Variants in NOVA1 observed in about 807,000 individuals in gnomAD.
The protein encoded by NOVA1 is NOVA alternative splicing regulator 1.
A neutral mutation model predicts 38.0 loss-of-function variants in NOVA1; 7 were observed. That is an observed-to-expected ratio of 0.18 (90% confidence interval 0.10 to 0.35). NOVA1 has a LOEUF of 0.35. Among genes scored for constraint, NOVA1 ranks in the 10% least tolerant of loss-of-function variants. The pLI, the probability that NOVA1 is intolerant of heterozygous loss-of-function variation, is 1.00. For missense variants in NOVA1, 460 were observed against 616.0 expected, an observed-to-expected ratio of 0.75 and a Z score of 2.68; for synonymous variants, 270 against 232.5, an observed-to-expected ratio of 1.16 and a Z score of -1.47.
At position 26,534,935 on chromosome 14, in the gene NOVA1, A is replaced by G. The variant is rs146025097; in HGVS notation, c.281-54792T>C. On this transcript the variant is annotated intron_variant, in intron 2 of 4. Coordinates refer to ENST00000539517, the MANE Select transcript of NOVA1 (RefSeq NM_002515.3). Reference sequence around the variant, plus strand: ...AAAGGGATTCTTCCCTAGTGCCTCCAAAGGAACCAGACCTGTTGAGGCTTG... The same window carrying G: ...AAAGGGATTCTTCCCTAGTGCCTCCGAAGGAACCAGACCTGTTGAGGCTTG... Among the ~76,000 whole-genome samples the G allele has an allele frequency of 7.2e-5, 11 of 152,316 alleles. 1 individual carries two copies. The East Asian group carries it at 2.1e-3, about 29-fold the overall frequency.
chr14:26,550,253 T>C (rs1362790962), intron 2 of NOVA1, among the ~76,000 whole-genome samples: 1 of 152,090 alleles, frequency 6.6e-6, no homozygotes, highest in African/African-American at 2.4e-5. Context: ...AAAAACAAAA[T>C]AGGTAAGACA....
intron 2 of NOVA1, among the ~76,000 whole-genome samples, chr14:26,511,156 T>C (rs901615659): frequency 6.6e-6 from 1 of 152,152 alleles, no homozygotes; most frequent in Admixed American, 6.5e-5. Context: ...AAAATTCTTT[T>C]TAAGGTTCAC....
Position 26,586,059 on chromosome 14 carries a change from G to A in NOVA1, c.280+9351C>T, listed in dbSNP as rs568759273. Reference sequence around the variant, plus strand: ...GTGCCACCTATGATTAAACAATTGCGCTGTATGTTAAACACACAGCAGGCA... The same window carrying A: ...GTGCCACCTATGATTAAACAATTGCACTGTATGTTAAACACACAGCAGGCA... On this transcript the variant is annotated intron_variant, in intron 2 of 4. Coordinates refer to ENST00000539517, the MANE Select transcript of NOVA1 (RefSeq NM_002515.3). Among the ~76,000 whole-genome samples, 8 of 151,236 alleles carry A rather than the reference G, an allele frequency of 5.3e-5. No homozygotes were observed. In the South Asian group the frequency reaches 6.2e-4, roughly 12 times the overall value.
At position 26,448,785 on chromosome 14, in the gene NOVA1, G is replaced by A; in HGVS notation, c.698C>T (p.Ala233Val). ...TATCTTCTGGATGATAAGTTCAACA[G>A]CTTTTCGGTTTTGTTCAGGTTCTCC... ...VSGEPEQNRK[A>V]VELIIQKIQE... The change falls in exon 5 of 5, where the codon GCT (alanine) becomes GTT (valine). Residue 233 changes from alanine (A) to valine (V), a missense_variant. Transcript: ENST00000539517. This position sits in a 1 kb window ranked among gnomAD's most constrained non-coding sequence, Gnocchi z 5.3. The A allele has an allele frequency of 6.2e-7, 1 of 1,614,070 alleles. No homozygotes were observed. The highest frequency in any genetic ancestry group is 8.5e-7 in the Non-Finnish European group (1 of 1,180,028).
At chr14:26,501,515 A>C (rs1043539397) in intron 2 of NOVA1, among the ~76,000 whole-genome samples, 4 of 152,014 alleles carry the variant, frequency 2.6e-5, no homozygotes, top group African/African-American at 9.7e-5. Context: ...TATTTGAAGC[A>C]ATCAACAGAT....
At chr14:26,508,080 T>C (rs1768701357) in intron 2 of NOVA1, among the ~76,000 whole-genome samples, 1 of 152,096 alleles carries the variant, frequency 6.6e-6, no homozygotes, top group Non-Finnish European at 1.5e-5. Context: ...TCTGCACTTT[T>C]TGAATAGACA....
At chr14:26,497,134 C>A (rs1335423160) in intron 2 of NOVA1, among the ~76,000 whole-genome samples, 1 of 152,156 alleles carries the variant, frequency 6.6e-6, no homozygotes. Context: ...AAATCACAAG[C>A]ATTCTTATAC....
intron 2 of NOVA1, among the ~76,000 whole-genome samples, chr14:26,512,695 T>G (rs934100635): frequency 1.3e-5 from 2 of 152,150 alleles, no homozygotes; most frequent in Non-Finnish European, 2.9e-5. Flanking sequence ...AAATAAATTT[T>G]GCAATAGCAA....
intron 2 of NOVA1, among the ~76,000 whole-genome samples, chr14:26,482,134 T>C (rs948173964): frequency 6.6e-6 from 1 of 151,646 alleles, no homozygotes; most frequent in Non-Finnish European, 1.5e-5. Flanking sequence ...GACTAACAGA[T>C]AGTGAGTGGA....
intron 2 of NOVA1, among the ~76,000 whole-genome samples, chr14:26,502,149 T>G (rs558217925): frequency 6.6e-6 from 1 of 151,922 alleles, no homozygotes; most frequent in Admixed American, 6.6e-5. Flanking sequence ...CTTCTTTTTT[T>G]TCTCAGCTCT....
At chr14:26,494,325 C>T (rs1299805294) in intron 2 of NOVA1, among the ~76,000 whole-genome samples, 1 of 152,134 alleles carries the variant, frequency 6.6e-6, no homozygotes, top group Non-Finnish European at 1.5e-5. Flanking sequence ...TCTCTCAAAT[C>T]CCAGGTTTTG....
intron 2 of NOVA1, among the ~76,000 whole-genome samples, chr14:26,564,744 A>G (rs1248431321): frequency 1.3e-5 from 2 of 152,178 alleles, no homozygotes; most frequent in Non-Finnish European, 2.9e-5. Flanking sequence ...ATTGGCAATA[A>G]CCAACCCTAT....
intron 2 of NOVA1, among the ~76,000 whole-genome samples, chr14:26,533,234 T>C (rs1012285006): frequency 2.0e-5 from 3 of 152,204 alleles, no homozygotes; most frequent in African/African-American, 7.2e-5. Context: ...GTCTATTTCT[T>C]TAGCATTTGT....
rs145203323 is a variant in NOVA1, at chr14:26,483,059, G to A, written c.281-2916C>T. Among the ~76,000 whole-genome samples, 685 of 152,112 alleles carry A rather than the reference G, an allele frequency of 4.5e-3. 4 individuals carry two copies. Among genetic ancestry groups the A allele is most frequent in the Non-Finnish European group, 6.3e-3 (428 of 68,004 alleles). On this transcript the variant is annotated intron_variant, in intron 2 of 4. Coordinates refer to ENST00000539517, the MANE Select transcript of NOVA1 (RefSeq NM_002515.3). ...AAATCACAAAAAGTATAATAAGAAG[G>A]GGCAATGTCAAATACAGGCATTGAC...
chr14:26,593,037 A>G (rs1390143367), intron 2 of NOVA1: 5 of 151,846 alleles, frequency 3.3e-5, no homozygotes, highest in Non-Finnish European at 7.4e-5. Context: ...AATAAACATT[A>G]GGCATATTTG....
intron 2 of NOVA1, among the ~76,000 whole-genome samples, chr14:26,484,690 A>G (rs1344400160): frequency 3.9e-5 from 6 of 151,900 alleles, no homozygotes; most frequent in Non-Finnish European, 7.4e-5. Flanking sequence ...CTACAACTCT[A>G]CTGAAAGCAT....
intron 2 of NOVA1, among the ~76,000 whole-genome samples, chr14:26,545,958 G>T (rs529643101): frequency 1.1e-3 from 166 of 151,868 alleles, no homozygotes; most frequent in Non-Finnish European, 2.0e-3. Flanking sequence ...AGTCTTTTAC[G>T]CAAACTTATA....
At chr14:26,567,378 C>T (rs1470729696) in intron 2 of NOVA1, among the ~76,000 whole-genome samples, 2 of 149,896 alleles carry the variant, frequency 1.3e-5, no homozygotes, top group Admixed American at 6.7e-5. Context: ...TCACTGCAGC[C>T]CCGACCTCCT....
intron 2 of NOVA1, among the ~76,000 whole-genome samples, chr14:26,485,182 C>A (rs1000655080): frequency 6.6e-6 from 1 of 152,022 alleles, no homozygotes; most frequent in Admixed American, 6.6e-5. Flanking sequence ...TGGCACACTA[C>A]AGATACTCAA....
Sources: gnomAD v4.1 joint callset for allele counts (sites outside exome capture counted in the v4.1 genomes callset) on GRCh38, gnomAD v4.1.1 for gene constraint, Gnocchi (gnomAD v3.1) non-coding constraint, MANE v1.5 for transcripts, NCBI Gene and HGNC (gene_info 2026-07-23, HGNC 2026-07-21) for gene names.